Variants in GALNTL6 observed in about 807,000 individuals in gnomAD.
The protein encoded by GALNTL6 is polypeptide N-acetylgalactosaminyltransferase like 6.
In GALNTL6, 46 loss-of-function variants were observed where a neutral mutation model predicts 73.7. The ratio of observed to expected loss-of-function variants is 0.62; its 90% CI spans 0.49 to 0.80. GALNTL6 has a LOEUF of 0.80. Among genes scored for constraint, GALNTL6 ranks in the 30% least tolerant of loss-of-function variants. GALNTL6 has a pLI of 0.00. For synonymous variants in GALNTL6, 259 were observed against 263.7 expected, an observed-to-expected ratio of 0.98 and a Z score of 0.17; for missense variants, 604 against 755.0, an observed-to-expected ratio of 0.80 and a Z score of 2.34.
At chr4:172,095,699 C>T (rs994685454) in intron 2 of GALNTL6, among the ~76,000 whole-genome samples, 1 of 151,910 alleles carries the variant, frequency 6.6e-6, no homozygotes, top group African/African-American at 2.4e-5. Flanking sequence ...CTTAGGTTTC[C>T]TCCGAATTTT....
At chr4:172,651,490 C>A (rs1462387494) in intron 5 of GALNTL6, among the ~76,000 whole-genome samples, 1 of 152,104 alleles carries the variant, frequency 6.6e-6, no homozygotes, top group Non-Finnish European at 1.5e-5. Context: ...ATATAGTAGG[C>A]ACTCAAAAAA....
intron 5 of GALNTL6, among the ~76,000 whole-genome samples, chr4:172,775,696 T>A (rs191270327): frequency 6.6e-6 from 1 of 152,178 alleles, no homozygotes; most frequent in Non-Finnish European, 1.5e-5. Context: ...TTGTCTTCCT[T>A]TTGAATGCAG....
chr4:172,512,201 T>C (rs1226395843), intron 5 of GALNTL6, among the ~76,000 whole-genome samples: 1 of 55,354 alleles, frequency 1.8e-5, no homozygotes, highest in African/African-American at 4.5e-5. Context: ...TCATCCTTTA[T>C]CTTTTTTTTA....
rs559267372 is a variant in GALNTL6 at position 171,837,431 on chromosome 4, T to C, written c.138+22713T>C. Reference sequence around the variant, plus strand: ...GGATCTGAGGCTTAGGTGACAGTAATGAATTGGTGTTAATATCCTGACCTG... The same window carrying C: ...GGATCTGAGGCTTAGGTGACAGTAACGAATTGGTGTTAATATCCTGACCTG... On this transcript the variant is annotated intron_variant, in intron 2 of 12. Coordinates refer to ENST00000506823, the MANE Select transcript of GALNTL6 (RefSeq NM_001034845.3). 6.5e-4 allele frequency among the ~76,000 whole-genome samples: 98 copies of C among 151,900 alleles called. 1 individual carries two copies. Among genetic ancestry groups the C allele is most frequent in the African/African-American group, 2.3e-3 (96 of 41,448 alleles).
chr4:172,598,107 A>G (rs1737930126), intron 5 of GALNTL6, among the ~76,000 whole-genome samples: 1 of 152,138 alleles, frequency 6.6e-6, no homozygotes, highest in South Asian at 2.1e-4. Context: ...TTATTGCATG[A>G]CAAAATGATC....
chr4:172,024,304 T>G (rs1363466296), intron 2 of GALNTL6, among the ~76,000 whole-genome samples: 1 of 151,836 alleles, frequency 6.6e-6, no homozygotes, highest in Admixed American at 6.6e-5. Context: ...TCATTCATCT[T>G]TCTTATGCTT....
intron 5 of GALNTL6, among the ~76,000 whole-genome samples, chr4:172,682,538 A>T (rs560900077): frequency 6.6e-6 from 1 of 152,334 alleles, no homozygotes; most frequent in South Asian, 2.1e-4. Flanking sequence ...ACCCACTAGT[A>T]TGTGAATTTC....
chr4:172,041,863 A>C (rs969763149), intron 2 of GALNTL6, among the ~76,000 whole-genome samples: 2 of 152,070 alleles, frequency 1.3e-5, no homozygotes, highest in African/African-American at 4.8e-5. Flanking sequence ...ACTTCCACAA[A>C]TAAAATGCAG....
At chr4:172,956,685 T>C (rs1280841371) in intron 10 of GALNTL6, among the ~76,000 whole-genome samples, 1 of 152,216 alleles carries the variant, frequency 6.6e-6, no homozygotes, top group East Asian at 1.9e-4. Flanking sequence ...GAAGCGTCTA[T>C]ACAGGAGCTC....
In GALNTL6 at chr4:173,039,862, C is replaced by A; in HGVS notation, c.1639-71C>A. The A allele has an allele frequency of 5.4e-6, 6 of 1,114,628 alleles. No individual in the cohort carries two copies. In the Admixed American group the frequency reaches 6.9e-5, roughly 13 times the overall value. 69.0% of individuals were successfully genotyped at this position (1,114,628 alleles called of 1,614,324 possible). A position where few individuals can be genotyped will look rare whatever the true frequency, so the allele number is the denominator to read the frequency against. On this transcript the variant is annotated intron_variant, in intron 12 of 12. Coordinates refer to ENST00000506823, the MANE Select transcript of GALNTL6 (RefSeq NM_001034845.3). ...AAATATAAACAGAAATATCTTACTT[C>A]TGTATATTTTGGGTTGTAACCATTC...
chr4:171,906,926 CT>C (rs1406061531), intron 2 of GALNTL6, among the ~76,000 whole-genome samples: 2 of 152,120 alleles, frequency 1.3e-5, no homozygotes, highest in African/African-American at 4.8e-5. Context: ...CAGAAAAGCC[CT>C]TTGGCAAAAT....
intron 2 of GALNTL6, among the ~76,000 whole-genome samples, chr4:172,013,174 G>A (rs1262003873): frequency 6.6e-6 from 1 of 151,798 alleles, no homozygotes; most frequent in Non-Finnish European, 1.5e-5. Context: ...ATTTCTTTTT[G>A]TTGGAAACGT....
intron 2 of GALNTL6, among the ~76,000 whole-genome samples, chr4:171,946,160 G>A (rs1738696669): frequency 6.6e-6 from 1 of 152,116 alleles, no homozygotes; most frequent in South Asian, 2.1e-4. Flanking sequence ...TTCCAAAACT[G>A]TCCTAATATC....
intron 2 of GALNTL6, among the ~76,000 whole-genome samples, chr4:172,212,999 T>A (rs751452228): frequency 6.6e-6 from 1 of 152,176 alleles, no homozygotes; most frequent in Non-Finnish European, 1.5e-5. Flanking sequence ...ATTGCCATAG[T>A]CTTGCATTTC....
intron 2 of GALNTL6, among the ~76,000 whole-genome samples, chr4:172,067,448 A>G (rs1566944): frequency 0.97 from 147,535 of 151,874 alleles, 71,814 homozygotes; most frequent in East Asian, 1. Context: ...TGCAATTATA[A>G]CTCAGATTTC....
At chr4:172,247,585 T>G (rs1737707721) in intron 3 of GALNTL6, among the ~76,000 whole-genome samples, 2 of 152,158 alleles carry the variant, frequency 1.3e-5, no homozygotes, top group African/African-American at 4.8e-5. Context: ...ACATCTTGCT[T>G]TCTCTAATCC....
chr4:172,472,461 A>T (rs1389659110), intron 5 of GALNTL6, among the ~76,000 whole-genome samples: 1 of 152,134 alleles, frequency 6.6e-6, no homozygotes, highest in African/African-American at 2.4e-5. Flanking sequence ...ATATGATTTT[A>T]TGGGTTTAAG....
At chr4:172,687,391 A>G (rs1316446494) in intron 5 of GALNTL6, among the ~76,000 whole-genome samples, 3 of 152,008 alleles carry the variant, frequency 2.0e-5, no homozygotes, top group Non-Finnish European at 2.9e-5. Flanking sequence ...GCACTTTGGA[A>G]GGCTGAGGCG....
chr4:172,288,330 A>C (rs1054675990), intron 3 of GALNTL6, among the ~76,000 whole-genome samples: 7 of 152,072 alleles, frequency 4.6e-5, no homozygotes, highest in African/African-American at 1.7e-4. Flanking sequence ...TGACCTCGTG[A>C]TCCGCCTGCC....
Sources: allele counts gnomAD v4.1 joint callset (sites outside exome capture counted in the v4.1 genomes callset), GRCh38; gene constraint gnomAD v4.1.1; transcripts MANE v1.5; gene names NCBI Gene and HGNC (gene_info 2026-07-23, HGNC 2026-07-21).